The following STRBP variants were observed in gnomAD, a reference collection of about 807,000 sequenced individuals.
STRBP encodes the protein spermatid perinuclear RNA binding protein, also known as spermatid perinuclear RNA-binding protein.
STRBP carries 13 observed loss-of-function variants against 80.1 expected under a neutral mutation model. That is an observed-to-expected ratio of 0.16 (90% CI 0.11 to 0.26). The LOEUF is 0.26. STRBP is among the 10% of genes least tolerant of loss of function. The probability of loss-of-function intolerance (pLI) is 1.00; values close to 1 mark genes in which losing one functional copy is unlikely to be tolerated. For synonymous variants in STRBP, 284 were observed against 291.2 expected (o/e 0.98, Z 0.25); for missense variants, 485 against 815.2 (o/e 0.59, Z 4.93).
At chr9:123,215,589 A>T (rs939687914) in intron 2 of STRBP, among the ~76,000 whole-genome samples, 1 of 152,216 alleles carries the variant, frequency 6.6e-6, no homozygotes, top group African/African-American at 2.4e-5. Context: ...GTTTGAGACC[A>T]GCCTGGCCAA....
intron 2 of STRBP, among the ~76,000 whole-genome samples, chr9:123,215,790 A>G (rs987671397): frequency 7.9e-5 from 12 of 152,246 alleles, no homozygotes; most frequent in African/African-American, 1.9e-4. Context: ...ATCTCAAAAA[A>G]ATAAAATAAA....
chr9:123,109,764 A>C (rs2035533912), intron 3 of STRBP: 1 of 152,326 alleles, frequency 6.6e-6, no homozygotes, highest in South Asian at 2.1e-4. Flanking sequence ...CTGAAGGTTT[A>C]AAGTTCAGAG....
At chr9:123,243,695 G>A (rs1410838839) in intron 1 of STRBP, among the ~76,000 whole-genome samples, 1 of 152,064 alleles carries the variant, frequency 6.6e-6, no homozygotes, top group Non-Finnish European at 1.5e-5. Flanking sequence ...TCACTGAAAA[G>A]CAGATGGCAA....
In STRBP at chr9:123,124,140, T is replaced by A; in HGVS notation, c.*1457A>T. The A allele has an allele frequency of 2.0e-6, 2 of 985,426 alleles. No homozygotes were observed. Among genetic ancestry groups the A allele is most frequent in the Non-Finnish European group, 2.4e-6 (2 of 829,920 alleles). 61.0% of individuals were successfully genotyped at this position (985,426 alleles called of 1,614,324 possible). On this transcript the variant is annotated 3_prime_UTR_variant, in exon 19 of 19. Transcript: ENST00000348403. ...AGTGGTCCCGAAGGAATTTGGTACA[T>A]ACATTTGCCATATTTTGTGAAGCCC...
At chr9:123,133,709 T>A (rs901904039) in intron 16 of STRBP, among the ~76,000 whole-genome samples, 2 of 152,046 alleles carry the variant, frequency 1.3e-5, no homozygotes, top group Admixed American at 1.3e-4. Flanking sequence ...CTGGCTAATT[T>A]TCGTATTTTT....
chr9:123,234,701 T>C (rs532885659), intron 2 of STRBP, among the ~76,000 whole-genome samples: 5 of 152,314 alleles, frequency 3.3e-5, no homozygotes, highest in African/African-American at 1.2e-4. Context: ...GGCTGATGCC[T>C]GTAATCCCAG....
chr9:123,217,788 A>G (rs1268286257), intron 2 of STRBP, among the ~76,000 whole-genome samples: 1 of 152,260 alleles, frequency 6.6e-6, no homozygotes, highest in Non-Finnish European at 1.5e-5. Context: ...ATATTTGAAG[A>G]TGCTGGCATT....
intron 11 of STRBP, among the ~76,000 whole-genome samples, chr9:123,156,448 T>C (rs1178631003): frequency 6.6e-6 from 1 of 152,110 alleles, no homozygotes; most frequent in African/African-American, 2.4e-5. Context: ...CTCAAACTTT[T>C]TAGCTCAGGA....
intron 16 of STRBP, 190 bp downstream of exon 16, chr9:123,135,851 G>GAT (rs1234083435): frequency 3.5e-6 from 2 of 566,454 alleles, no homozygotes; most frequent in African/African-American, 3.7e-5. Context: ...ATTTTGTTTA[G>GAT]AAAGTCCATA....
intron 6 of STRBP, among the ~76,000 whole-genome samples, chr9:123,165,005 G>A (rs138506026): frequency 7.0e-4 from 107 of 151,794 alleles, no homozygotes; most frequent in African/African-American, 2.3e-3. Context: ...TGGATTGACC[G>A]GGCACGGTGG....
chr9:123,196,596 A>G (rs2039098137), intron 2 of STRBP, among the ~76,000 whole-genome samples: 1 of 152,218 alleles, frequency 6.6e-6, no homozygotes, highest in African/African-American at 2.4e-5. Flanking sequence ...GTACTTCTCA[A>G]AAGAAGGCAT....
chr9:123,160,227 A>AT lies in STRBP; in HGVS notation c.723+139dup, dbSNP rs960068967. On this transcript the variant is annotated intron_variant, in intron 8 of 18. Transcript: ENST00000348403. ...AAGAATTCGCTTAAAAAGATGCTTT[A>AT]TTTTTTTTTCATGGCAAACATACAT... The AT allele has an allele frequency of 3.1e-3, 1,460 of 477,840 alleles. 1 individual carries two copies. The highest frequency in any genetic ancestry group is 4.3e-3 in the South Asian group (72 of 16,872). The allele number at this position is 477,840 out of a possible 1,614,324, so 29.6% of individuals were successfully genotyped here. A position where few individuals can be genotyped will look rare whatever the true frequency, so the allele number is the denominator to read the frequency against.
chr9:123,155,562 G>A (rs2037246896), intron 11 of STRBP, among the ~76,000 whole-genome samples: 1 of 152,120 alleles, frequency 6.6e-6, no homozygotes, highest in African/African-American at 2.4e-5. Flanking sequence ...AGAACACGAG[G>A]AGGATGAAGG....
intron 4 of STRBP, among the ~76,000 whole-genome samples, chr9:123,176,314 ACAT>A (rs1352646865): frequency 6.6e-6 from 1 of 152,212 alleles, no homozygotes; most frequent in Non-Finnish European, 1.5e-5. Context: ...CAGAACCAGC[ACAT>A]CATCGTCTCT....
At position 123,266,191 on chromosome 9, in the gene STRBP, C is replaced by T. The variant is rs544110812; in HGVS notation, c.-302+2245G>A. 1.7e-4 allele frequency among the ~76,000 whole-genome samples: 26 copies of T among 152,284 alleles called. No homozygotes were observed. The South Asian group carries it at 5.0e-3, about 29-fold the overall frequency. ...TCACTCTTGGTGCGCTCCTCGTGAC[C>T]CTGTGTGGCCCTTCTGTCCACTCGT... On this transcript the variant is annotated intron_variant, in intron 1 of 18. Coordinates refer to ENST00000348403, the MANE Select transcript of STRBP (RefSeq NM_018387.5).
At position 123,184,203 on chromosome 9, in the gene STRBP, CTGTT is replaced by C. The variant is rs1302105244; in HGVS notation, c.-73_-70del. On this transcript the variant is annotated 5_prime_UTR_variant, in exon 3 of 19. An upstream open reading frame in the 5' UTR gains an earlier in-frame stop. Transcript: ENST00000348403. ...TCTTTCTTGTCGTCTTCACTAGACA[CTGTT>C]TTGTGTAACAATACCTCCTCATAAG... 5 of 1,526,730 alleles carry C rather than the reference CTGTT, an allele frequency of 3.3e-6. No individual in the cohort carries two copies. The African/African-American group carries it at 6.9e-5, about 21-fold the overall frequency. The allele number at this position is 1,526,730 out of a possible 1,614,324, so 94.6% of individuals were successfully genotyped here. A position where few individuals can be genotyped will look rare whatever the true frequency, so the allele number is the denominator to read the frequency against.
intron 11 of STRBP, 53 bp from the exon 12 acceptor site, chr9:123,147,923 C>T (rs1050863618): frequency 4.1e-6 from 6 of 1,460,268 alleles, no homozygotes; most frequent in East Asian, 2.3e-5. Context: ...ATCCCCTTAC[C>T]GTACCATATG....
intron 2 of STRBP, among the ~76,000 whole-genome samples, chr9:123,185,730 C>A (rs944166189): frequency 2.0e-5 from 3 of 152,126 alleles, no homozygotes; most frequent in Non-Finnish European, 4.4e-5. Context: ...GTGAATCCAG[C>A]AGCCAAAAAC....
chr9:123,116,443 G>A (rs1397940013), intron 2 of STRBP, among the ~76,000 whole-genome samples: 1 of 152,156 alleles, frequency 6.6e-6, no homozygotes, highest in East Asian at 1.9e-4. Flanking sequence ...CCCCAACTGT[G>A]TAGCTGGCAA....
Sources: allele counts gnomAD v4.1 joint callset (sites outside exome capture counted in the v4.1 genomes callset), GRCh38; gene constraint gnomAD v4.1.1; transcripts MANE v1.5; gene names NCBI Gene and HGNC (gene_info 2026-07-23, HGNC 2026-07-21).